CSMD1: variants seen among roughly 807,000 people sequenced by gnomAD.
CSMD1 encodes CUB and Sushi multiple domains 1.
A neutral mutation model predicts 417.5 loss-of-function variants in CSMD1; 213 were observed. That is an observed-to-expected ratio of 0.51 (90% CI 0.46 to 0.57). CSMD1 has a LOEUF of 0.57. CSMD1 is among the 20% of genes least tolerant of loss of function. The probability of loss-of-function intolerance (pLI) is 0.00; values close to 1 mark genes in which losing one functional copy is unlikely to be tolerated. For missense variants in CSMD1, 6,923 were observed against 4,529.7 expected, an observed-to-expected ratio of 1.53 and a Z score of -15.17; for synonymous variants, 2,862 against 1,736.8, an observed-to-expected ratio of 1.65 and a Z score of -16.11.
intron 10 of CSMD1, among the ~76,000 whole-genome samples, chr8:3,523,060 T>C (rs1049838386): frequency 6.6e-6 from 1 of 150,704 alleles, no homozygotes; most frequent in African/African-American, 2.4e-5. Context: ...AAATAAGAGT[T>C]AAAAATTGAA....
intron 30 of CSMD1, among the ~76,000 whole-genome samples, chr8:3,208,561 G>A (rs922220868): frequency 2.6e-5 from 4 of 152,184 alleles, no homozygotes; most frequent in East Asian, 1.9e-4. Flanking sequence ...CACCACGCCC[G>A]GCCATATGTT....
chr8:3,069,598 C>A (rs1161343884), intron 49 of CSMD1, among the ~76,000 whole-genome samples: 1 of 152,172 alleles, frequency 6.6e-6, no homozygotes, highest in Non-Finnish European at 1.5e-5. Context: ...AGGCCTTGGG[C>A]AGCTTTGCTT....
At chr8:3,308,051 CATGTGATAATT>C (rs1805020649) in intron 24 of CSMD1, among the ~76,000 whole-genome samples, 1 of 141,434 alleles carries the variant, frequency 7.1e-6, no homozygotes, top group Non-Finnish European at 1.5e-5. Context: ...ATAAGACACT[CATGTGATAATT>C]CTAATAATAT....
At chr8:3,312,700 G>A (rs573988978) in intron 23 of CSMD1, among the ~76,000 whole-genome samples, 7 of 152,192 alleles carry the variant, frequency 4.6e-5, no homozygotes, top group East Asian at 1.9e-4. Context: ...TGTCACTTGC[G>A]CCGTGAACCA....
At chr8:4,989,769 A>C (rs1210435841) in intron 1 of CSMD1, among the ~76,000 whole-genome samples, 6 of 152,360 alleles carry the variant, frequency 3.9e-5, no homozygotes, top group Admixed American at 1.3e-4. Context: ...TTGACAGCTT[A>C]GAAACGTCTT....
intron 3 of CSMD1, among the ~76,000 whole-genome samples, chr8:4,076,789 C>G (rs1339620912): frequency 1.3e-5 from 2 of 152,156 alleles, no homozygotes; most frequent in African/African-American, 2.4e-5. Flanking sequence ...ACAACCATAT[C>G]AGAGTATACA....
chr8:3,995,309 G>A (rs1484217049), intron 5 of CSMD1, among the ~76,000 whole-genome samples: 3 of 152,168 alleles, frequency 2.0e-5, no homozygotes, highest in South Asian at 2.1e-4. Context: ...CCACTTAAAC[G>A]TAGTCCTTGT....
chr8:4,926,044 A>G (rs927375616), intron 1 of CSMD1, among the ~76,000 whole-genome samples: 3 of 152,234 alleles, frequency 2.0e-5, no homozygotes, highest in Admixed American at 2.0e-4. Flanking sequence ...ACCAACCTAA[A>G]TAAACAAACA....
At chr8:4,742,425 T>G (rs1810681839) in intron 1 of CSMD1, among the ~76,000 whole-genome samples, 1 of 152,176 alleles carries the variant, frequency 6.6e-6, no homozygotes, top group Non-Finnish European at 1.5e-5. Flanking sequence ...ACTCTGGTCA[T>G]TTTTCTTATG....
chr8:4,702,239 T>C (rs1218232382), intron 1 of CSMD1, among the ~76,000 whole-genome samples: 1 of 152,170 alleles, frequency 6.6e-6, no homozygotes, highest in Admixed American at 6.5e-5. Flanking sequence ...AACCTGTGCA[T>C]GTACCCAATA....
chr8:3,657,660 A>G (rs1798197914), intron 7 of CSMD1, among the ~76,000 whole-genome samples: 1 of 152,152 alleles, frequency 6.6e-6, no homozygotes, highest in Non-Finnish European at 1.5e-5. Flanking sequence ...ACACATGGAC[A>G]CAAGGAAGGG....
chr8:3,301,862 T>A (rs542283987), intron 25 of CSMD1, among the ~76,000 whole-genome samples: 23 of 152,110 alleles, frequency 1.5e-4, no homozygotes, highest in African/African-American at 5.3e-4. Flanking sequence ...GTCATGGGAA[T>A]TCATAATGGT....
intron 1 of CSMD1, among the ~76,000 whole-genome samples, chr8:4,715,650 T>G (rs1170523965): frequency 6.6e-6 from 1 of 152,192 alleles, no homozygotes; most frequent in Admixed American, 6.5e-5. Context: ...AAATCATTTC[T>G]CTTCCAGATT....
chr8:2,980,643 C>T (rs373216570), intron 54 of CSMD1, among the ~76,000 whole-genome samples: 89 of 151,948 alleles, frequency 5.9e-4, no homozygotes, highest in Non-Finnish European at 1.1e-3. Context: ...AGTTCCACCA[C>T]GGCTGGTGAA....
intron 5 of CSMD1, among the ~76,000 whole-genome samples, chr8:3,789,193 G>A (rs1799597884): frequency 6.6e-6 from 1 of 152,116 alleles, no homozygotes; most frequent in Admixed American, 6.5e-5. Flanking sequence ...GATCCAACAT[G>A]AAAGCGCTGT....
rs547890579 is a variant in CSMD1, at chr8:3,650,790, C to G, written c.1010-33993G>C. Among the ~76,000 whole-genome samples the G allele has an allele frequency of 6.6e-5, 10 of 152,326 alleles. No individual in the cohort carries two copies. The East Asian group carries it at 1.5e-3, about 24-fold the overall frequency. ...GATTTTTTTCTAAAGAGTTTCCACC[C>G]CTTTTTTCCTTTCTCATGGGTTCAA... On this transcript the variant is annotated intron_variant, in intron 7 of 69. Transcript: ENST00000635120.
At chr8:4,156,343 T>C (rs996892382) in intron 3 of CSMD1, among the ~76,000 whole-genome samples, 9 of 152,188 alleles carry the variant, frequency 5.9e-5, no homozygotes, top group Non-Finnish European at 1.0e-4. Context: ...GTTTATGTTC[T>C]CTCTGGTTTT....
chr8:4,646,348 A>C (rs954629684), intron 1 of CSMD1, among the ~76,000 whole-genome samples: 2 of 152,184 alleles, frequency 1.3e-5, no homozygotes, highest in African/African-American at 2.4e-5. Context: ...TGTTCCCTAC[A>C]TTTGAAATCA....
intron 4 of CSMD1, among the ~76,000 whole-genome samples, chr8:4,014,758 G>T (rs1018551459): frequency 2.0e-5 from 3 of 152,128 alleles, no homozygotes; most frequent in African/African-American, 7.2e-5. Context: ...ACAAAGAAGG[G>T]CATTTACCTG....
Sources: gnomAD v4.1 joint callset for allele counts (sites outside exome capture counted in the v4.1 genomes callset) on GRCh38, gnomAD v4.1.1 for gene constraint, MANE v1.5 for transcripts, NCBI Gene and HGNC (gene_info 2026-07-23, HGNC 2026-07-21) for gene names.